Variants in SBK1 observed in about 807,000 individuals in gnomAD.
SBK1 encodes serine/threonine-protein kinase SBK1.
SBK1 carries 11 observed loss-of-function variants against 24.4 expected under a neutral mutation model. The ratio of observed to expected loss-of-function variants is 0.45; its 90% confidence interval spans 0.28 to 0.75. SBK1 has a LOEUF of 0.75. SBK1 is among the 30% of genes least tolerant of loss of function. The pLI is 0.12. For synonymous variants in SBK1, 308 were observed against 284.4 expected, an observed-to-expected ratio of 1.08 and a Z score of -0.83; for missense variants, 467 against 620.5, an observed-to-expected ratio of 0.75 and a Z score of 2.63.
intron 1 of SBK1, among the ~76,000 whole-genome samples, chr16:28,282,851 G>T (rs1346481677): frequency 6.6e-6 from 1 of 152,196 alleles, no homozygotes; most frequent in African/African-American, 2.4e-5. Flanking sequence ...CTGGGGTGCT[G>T]AGGAAATATA....
rs1413342667 is a variant in SBK1, at chr16:28,319,039, C to G, written c.271C>G (p.Leu91Val). ...LKFVNKSKTK[L>V]KNFLREVSIT... ...GTTTGTGAACAAGAGCAAAACCAAG[C>G]TGAAGAACTTCCTACGGGAGGTGAG... Residue 91 changes from leucine to valine, a missense_variant, in exon 3 of 4, where the codon CTG (leucine) becomes GTG (valine). By Grantham distance (32) the Leu-to-Val change is conservative. Coordinates refer to ENST00000341901, the MANE Select transcript of SBK1 (RefSeq NM_001024401.3). This position sits in a 1 kb window ranked among gnomAD's most constrained non-coding sequence, Gnocchi z 4.0. 6.2e-7 allele frequency: 1 copy of G among 1,614,174 alleles called. No individual in the cohort carries two copies.
chr16:28,282,591 C>T (rs1307880380), intron 1 of SBK1, among the ~76,000 whole-genome samples: 1 of 141,184 alleles, frequency 7.1e-6, no homozygotes, highest in African/African-American at 2.6e-5. Context: ...CCTTTTATCC[C>T]AGAGTCTTCA....
chr16:28,280,149 A>ATATATATATATATATATATATGTG (rs1230385223), intron 1 of SBK1, among the ~76,000 whole-genome samples: 1 of 39,418 alleles, frequency 2.5e-5, no homozygotes, highest in East Asian at 5.0e-4. Context: ...ATATATATAT[A>ATATATATATATATATATATATGTG]TGTGTGTGTG....
At chr16:28,288,672 C>T (rs1005626603), upstream of SBK1, among the ~76,000 whole-genome samples, 1 of 152,204 alleles carries the variant, frequency 6.6e-6, no homozygotes, top group Non-Finnish European at 1.5e-5. Context: ...TATTGTAACC[C>T]ATGGATCACT....
chr16:28,305,521 C>A (rs576675132), intron 1 of SBK1, among the ~76,000 whole-genome samples: 25 of 150,604 alleles, frequency 1.7e-4, no homozygotes, highest in Middle Eastern at 3.4e-3. Flanking sequence ...CCCAATCTGT[C>A]TCTCTTTCTT....
intron 1 of SBK1, among the ~76,000 whole-genome samples, chr16:28,272,185 T>C (rs564784701): frequency 2.0e-5 from 3 of 152,282 alleles, no homozygotes; most frequent in Admixed American, 6.5e-5. Flanking sequence ...TCCTCCATCC[T>C]CAGCCTCCAG....
intron 1 of SBK1, among the ~76,000 whole-genome samples, chr16:28,280,141 ATATATATATGTGTGTG>A (rs1254814145): frequency 1.4e-4 from 8 of 58,240 alleles, no homozygotes; most frequent in African/African-American, 3.7e-4. Context: ...ATATATATAT[ATATATATATGTGTGTG>A]TGTGTGTGTG....
intron 1 of SBK1, among the ~76,000 whole-genome samples, chr16:28,279,576 C>T (rs1237772795): frequency 1.3e-5 from 2 of 152,112 alleles, no homozygotes; most frequent in East Asian, 1.9e-4. Flanking sequence ...ACTTTCACCT[C>T]GAAAACTGTC....
At chr16:28,290,571 G>A (rs1370186451), upstream of SBK1, 1 of 152,286 alleles carries the variant, frequency 6.6e-6, no homozygotes, top group Admixed American at 6.5e-5. Context: ...GCAGGCAGAG[G>A]TTGCGGTGAG....
intron 1 of SBK1, among the ~76,000 whole-genome samples, chr16:28,308,740 G>GGGGGGTGTGT (rs1555538285): frequency 7.7e-6 from 1 of 130,536 alleles, no homozygotes; most frequent in African/African-American, 2.9e-5. Flanking sequence ...CGTTCTTTGG[G>GGGGGGTGTGT]GTGTGTGTGT....
At position 28,319,245 on chromosome 16, in the gene SBK1, AGAGTGT is replaced by A; in HGVS notation, c.429+52_429+57del. On this transcript the variant is annotated intron_variant, in intron 3 of 3. Coordinates refer to ENST00000341901, the MANE Select transcript of SBK1 (RefSeq NM_001024401.3). This position sits in a 1 kb window ranked among gnomAD's most constrained non-coding sequence, Gnocchi z 4.0. ...GTGGGGAAAGGGTCTTCAGGGTCCC[AGAGTGT>A]GAGAGTGGGAGTGGAGTCAGACCAT... The A allele has an allele frequency of 7.1e-7, 1 of 1,408,976 alleles. No individual in the cohort carries two copies. The highest frequency in any genetic ancestry group is 1.0e-6 in the Non-Finnish European group (1 of 994,606). 87.3% of individuals were successfully genotyped at this position (1,408,976 alleles called of 1,614,324 possible).
At chr16:28,309,231 G>A (rs1024595251) in intron 1 of SBK1, among the ~76,000 whole-genome samples, 11 of 152,078 alleles carry the variant, frequency 7.2e-5, no homozygotes, top group African/African-American at 1.9e-4. Context: ...AACCTTCCCC[G>A]ATCCTTTGAA....
intron 1 of SBK1, among the ~76,000 whole-genome samples, chr16:28,277,250 A>C (rs2044499180): frequency 6.6e-6 from 1 of 152,004 alleles, no homozygotes; most frequent in Non-Finnish European, 1.5e-5. Flanking sequence ...TGAGAGAGGA[A>C]ACGGATTCAT....
chr16:28,301,877 C>A (rs961015201), intron 1 of SBK1, among the ~76,000 whole-genome samples: 1 of 152,188 alleles, frequency 6.6e-6, no homozygotes, highest in African/African-American at 2.4e-5. Context: ...TGCCCAAGGT[C>A]ACACAGCTAA....
intron 1 of SBK1, among the ~76,000 whole-genome samples, chr16:28,307,494 C>A (rs1482280504): frequency 6.6e-6 from 1 of 152,128 alleles, no homozygotes; most frequent in Non-Finnish European, 1.5e-5. Flanking sequence ...AATCCCAGCA[C>A]TTTGGGAGGC....
intron 1 of SBK1, among the ~76,000 whole-genome samples, chr16:28,260,913 C>T: frequency 6.6e-6 from 1 of 152,284 alleles, no homozygotes; most frequent in Non-Finnish European, 1.5e-5. Context: ...TCTGTCTTAA[C>T]GTGCAAGTGC....
intron 1 of SBK1, among the ~76,000 whole-genome samples, chr16:28,283,094 T>G (rs1387180213): frequency 6.6e-6 from 1 of 151,860 alleles, no homozygotes; most frequent in African/African-American, 2.4e-5. Context: ...CACCACACCC[T>G]GCTAATTTTT....
chr16:28,308,964 G>T (rs979867293), intron 1 of SBK1, among the ~76,000 whole-genome samples: 18 of 152,018 alleles, frequency 1.2e-4, no homozygotes, highest in African/African-American at 4.3e-4. Context: ...GAGCTCTTCT[G>T]CTTACTTGCT....
At chr16:28,309,101 A>G (rs1231468590) in intron 1 of SBK1, among the ~76,000 whole-genome samples, 1 of 152,182 alleles carries the variant, frequency 6.6e-6, no homozygotes, top group Non-Finnish European at 1.5e-5. Context: ...CCTCCACAGC[A>G]GGAGGCTTTC....
Sources: allele counts gnomAD v4.1 joint callset (sites outside exome capture counted in the v4.1 genomes callset), GRCh38; gene constraint gnomAD v4.1.1; non-coding constraint Gnocchi (gnomAD v3.1); transcripts MANE v1.5; gene names NCBI Gene and HGNC (gene_info 2026-07-23, HGNC 2026-07-21).